Variants in CAPN5 observed in about 807,000 individuals in gnomAD.
CAPN5 encodes the protein calpain-5.
In CAPN5, 54 loss-of-function variants were observed where a neutral mutation model predicts 73.0. The ratio of observed to expected loss-of-function variants is 0.74; its 90% CI spans 0.59 to 0.93. The LOEUF (loss-of-function observed/expected upper bound fraction) is 0.93, where lower values mean the gene tolerates loss of function less well. CAPN5 is among the 40% of genes least tolerant of loss of function. CAPN5 has a pLI of 0.00. For synonymous variants in CAPN5, 335 were observed against 356.9 expected (o/e 0.94, Z 0.69); for missense variants, 785 against 882.9 (o/e 0.89, Z 1.41).
chr11:77,084,768 A>G, intron 1 of CAPN5, 84 bp from the exon 2 acceptor site: 3 of 1,243,760 alleles, frequency 2.4e-6, no homozygotes, highest in Non-Finnish European at 2.3e-6. Context: ...TGCCTGTGCC[A>G]TGGGGCTGAT....
chr11:77,103,046 T>C (rs550932625), intron 3 of CAPN5: 1 of 1,613,654 alleles, frequency 6.2e-7, no homozygotes, highest in East Asian at 2.2e-5. Flanking sequence ...AGCGCTGGAA[T>C]GTCGTGCTGG....
chr11:77,103,125 ACACG>A, intron 3 of CAPN5: 1 of 1,613,822 alleles, frequency 6.2e-7, no homozygotes, highest in Non-Finnish European at 8.5e-7. Context: ...CAACCTCATG[ACACG>A]CCAGCTGCTG....
At chr11:77,094,938 G>A (rs920165961) in intron 3 of CAPN5, among the ~76,000 whole-genome samples, 4 of 152,226 alleles carry the variant, frequency 2.6e-5, no homozygotes, top group South Asian at 4.1e-4. Flanking sequence ...ATCAGAGGGA[G>A]CAGTGCCCTT....
At chr11:77,100,814 C>T (rs999977963) in intron 3 of CAPN5, among the ~76,000 whole-genome samples, 19 of 152,226 alleles carry the variant, frequency 1.2e-4, no homozygotes, top group Non-Finnish European at 2.2e-4. Flanking sequence ...ATGTGGCTAA[C>T]GTCCTGCCCT....
chr11:77,084,793 AG>A (rs1950064774), intron 1 of CAPN5, 58 bp from the exon 2 acceptor site: 1 of 1,471,552 alleles, frequency 6.8e-7, no homozygotes, highest in South Asian at 1.2e-5. Context: ...TCCGCTTCAC[AG>A]GGCACATCAG....
rs146336448 is a variant in CAPN5 at position 77,093,613 on chromosome 11, T to G, written c.166-69T>G. On this transcript the variant is annotated intron_variant, in intron 2 of 12. Coordinates refer to ENST00000648180, the MANE Select transcript of CAPN5 (RefSeq NM_004055.5). Reference sequence around the variant, plus strand: ...GTGTCTGTCACGTCTGTGTCTGTCATGTCTCCTGCCATGGGGGGCATCCGC... The same window carrying G: ...GTGTCTGTCACGTCTGTGTCTGTCAGGTCTCCTGCCATGGGGGGCATCCGC... 64 of 1,450,742 alleles carry G rather than the reference T, an allele frequency of 4.4e-5. 1 individual carries two copies. Among genetic ancestry groups the G allele is most frequent in the Non-Finnish European group, 5.9e-5 (64 of 1,078,976 alleles). The allele number at this position is 1,450,742 out of a possible 1,614,324, so 89.9% of individuals were successfully genotyped here. A position where few individuals can be genotyped will look rare whatever the true frequency, so the allele number is the denominator to read the frequency against.
At chr11:77,071,192 A>G (rs1216978854) in intron 1 of CAPN5, among the ~76,000 whole-genome samples, 1 of 151,986 alleles carries the variant, frequency 6.6e-6, no homozygotes, top group Non-Finnish European at 1.5e-5. Context: ...TTCCCCCAGG[A>G]GGTCACTCAC....
chr11:77,102,537 G>T (rs1218118360), intron 3 of CAPN5, among the ~76,000 whole-genome samples: 1 of 152,226 alleles, frequency 6.6e-6, no homozygotes, highest in Admixed American at 6.5e-5. Flanking sequence ...GGTAGTCAGG[G>T]CGGTTGCCAC....
At chr11:77,110,793 G>A (rs1006531065) in intron 3 of CAPN5, among the ~76,000 whole-genome samples, 1 of 152,192 alleles carries the variant, frequency 6.6e-6, no homozygotes, top group South Asian at 2.1e-4. Context: ...TAAGAGTTTT[G>A]TTTGTTGATG....
At chr11:77,106,606 T>C (rs1299913363) in intron 3 of CAPN5, among the ~76,000 whole-genome samples, 1 of 152,200 alleles carries the variant, frequency 6.6e-6, no homozygotes, top group Non-Finnish European at 1.5e-5. Context: ...ATGGCACCTC[T>C]CTCGAGGCTG....
intron 1 of CAPN5, among the ~76,000 whole-genome samples, chr11:77,078,413 A>G (rs1348987210): frequency 4.6e-5 from 7 of 152,048 alleles, no homozygotes; most frequent in Non-Finnish European, 1.0e-4. Flanking sequence ...ATTCTGTTCC[A>G]TTGGTCTTTG....
chr11:77,077,687 G>A (rs1408077768), intron 1 of CAPN5, among the ~76,000 whole-genome samples: 14 of 151,978 alleles, frequency 9.2e-5, no homozygotes, highest in African/African-American at 3.4e-4. Flanking sequence ...CTAATTTTTT[G>A]TATTTTTAGT....
At chr11:77,076,666 G>A (rs1365964099) in intron 1 of CAPN5, among the ~76,000 whole-genome samples, 2 of 152,036 alleles carry the variant, frequency 1.3e-5, no homozygotes, top group African/African-American at 4.8e-5. Context: ...TGCCTTCCTC[G>A]TTTATCCATG....
rs1555036994 is a variant in CAPN5, at chr11:77,093,700, C to T, written c.184C>T (p.Arg62Cys). The change falls in exon 3 of 13, where the codon CGC becomes TGC. Residue 62 changes from arginine to cysteine, a missense_variant. Arg to Cys is a radical substitution (Grantham distance 180). Coordinates refer to ENST00000648180, the MANE Select transcript of CAPN5 (RefSeq NM_004055.5). ...KRPKGICEDP[R>C]LFVDGISSHD... ...TCCGCAGGGCATCTGCGAGGACCCC[C>T]GCCTCTTTGTGGATGGCATCAGCTC... is the stretch of plus-strand genomic sequence containing the variant. The T allele has an allele frequency of 5.0e-6, 8 of 1,603,324 alleles. No homozygotes were observed. Among genetic ancestry groups the T allele is most frequent in the South Asian group, 1.1e-5 (1 of 89,680 alleles).
intron 2 of CAPN5, among the ~76,000 whole-genome samples, chr11:77,085,827 G>A (rs926686668): frequency 1.3e-5 from 2 of 152,088 alleles, no homozygotes; most frequent in Admixed American, 6.5e-5. Context: ...TGGGTGGAGG[G>A]GAGGCTGCAG....
intron 3 of CAPN5, among the ~76,000 whole-genome samples, chr11:77,094,340 T>A (rs1950186362): frequency 6.6e-6 from 1 of 152,018 alleles, no homozygotes; most frequent in South Asian, 2.1e-4. Flanking sequence ...AAGAATGGGC[T>A]CTGGTCCTGC....
chr11:77,117,378 T>C (rs1555041941), intron 7 of CAPN5, among the ~76,000 whole-genome samples: 1 of 152,168 alleles, frequency 6.6e-6, no homozygotes, highest in Admixed American at 6.5e-5. Context: ...TGGAGGGGTA[T>C]TGGCATCCTG....
At chr11:77,089,041 G>A (rs1950121861) in intron 2 of CAPN5, among the ~76,000 whole-genome samples, 1 of 152,182 alleles carries the variant, frequency 6.6e-6, no homozygotes. Flanking sequence ...GGACCTGTCT[G>A]TAGCCCCAGT....
intron 3 of CAPN5, among the ~76,000 whole-genome samples, chr11:77,096,488 C>G (rs116602819): frequency 0.017 from 2,583 of 152,312 alleles, 65 homozygotes; most frequent in African/African-American, 0.058. Flanking sequence ...GATGGCCCAC[C>G]TGTTTCTCTG....
Sources: allele counts gnomAD v4.1 joint callset (sites outside exome capture counted in the v4.1 genomes callset), GRCh38; gene constraint gnomAD v4.1.1; transcripts MANE v1.5; gene names NCBI Gene and HGNC (gene_info 2026-07-23, HGNC 2026-07-21).